Variants in FSD1L observed in about 807,000 individuals in gnomAD.
The protein encoded by FSD1L is FSD1-like protein.
Under a neutral mutation model 71.6 loss-of-function variants are expected in FSD1L, and 45 were observed. The observed-to-expected ratio is 0.63, with a 90% CI of 0.49 to 0.81. The LOEUF is 0.81. FSD1L is among the 30% of genes least tolerant of loss of function. The pLI is 0.00. For missense variants in FSD1L, 561 were observed against 618.1 expected, an observed-to-expected ratio of 0.91 and a Z score of 0.98; for synonymous variants, 197 against 207.2, an observed-to-expected ratio of 0.95 and a Z score of 0.42.
chr9:105,504,696 T>C (rs918128853), intron 7 of FSD1L, among the ~76,000 whole-genome samples: 53 of 152,166 alleles, frequency 3.5e-4, no homozygotes, highest in African/African-American at 1.1e-3. Context: ...TCCTCCCATA[T>C]ACTTTAAGTC....
chr9:105,471,716 A>T (rs918517629), intron 4 of FSD1L, among the ~76,000 whole-genome samples, 188 bp from the exon 5 acceptor site: 3 of 118,902 alleles, frequency 2.5e-5, no homozygotes, highest in Non-Finnish European at 5.0e-5. Flanking sequence ...TAAAAAAAAT[A>T]ACACGTTTTA....
intron 13 of FSD1L, among the ~76,000 whole-genome samples, chr9:105,545,137 T>C (rs1248495451): frequency 2.6e-5 from 4 of 151,726 alleles, no homozygotes; most frequent in African/African-American, 4.9e-5. Flanking sequence ...TGAAGAGGTC[T>C]TTCACATCCC....
intron 3 of FSD1L, 25 bp from the exon 4 acceptor site, chr9:105,468,168 T>C: frequency 7.4e-7 from 1 of 1,351,558 alleles, no homozygotes; most frequent in Non-Finnish European, 9.5e-7. Flanking sequence ...TTCAGTAAAA[T>C]TGTTTTGTTT....
At chr9:105,522,186 T>A in intron 10 of FSD1L, 1 of 1,613,896 alleles carries the variant, frequency 6.2e-7, no homozygotes, top group Non-Finnish European at 8.5e-7. Flanking sequence ...TTGGGATGAC[T>A]TACTGTCAGT....
chr9:105,486,789 AT>A (rs1443946121), intron 7 of FSD1L, among the ~76,000 whole-genome samples: 1 of 152,136 alleles, frequency 6.6e-6, no homozygotes, highest in Non-Finnish European at 1.5e-5. Context: ...TTGGAAAAAA[AT>A]ATATGCATGT....
At chr9:105,526,587 T>A (rs953598853) in intron 10 of FSD1L, among the ~76,000 whole-genome samples, 8 of 152,206 alleles carry the variant, frequency 5.3e-5, no homozygotes, top group African/African-American at 1.9e-4. Flanking sequence ...GAACATAGGG[T>A]TAACCCTTTC....
Position 105,495,753 on chromosome 9 carries a change from G to C in FSD1L, c.587-10646G>C, listed in dbSNP as rs193002679. On this transcript the variant is annotated intron_variant, in intron 7 of 13. Coordinates refer to ENST00000481272, the MANE Select transcript of FSD1L (RefSeq NM_001145313.3). ...GCATTTTGGGAGCCCGAGGCGGGCA[G>C]ATCACAAGGTCAGGAGATCGAGACC... Among the ~76,000 whole-genome samples the C allele has an allele frequency of 6.0e-3, 908 of 152,316 alleles. 15 individuals carry two copies. The highest frequency in any genetic ancestry group is 0.021 in the African/African-American group (865 of 41,576).
chr9:105,470,024 C>T (rs529766824), intron 4 of FSD1L, among the ~76,000 whole-genome samples: 2 of 152,116 alleles, frequency 1.3e-5, no homozygotes, highest in South Asian at 4.2e-4. Flanking sequence ...ACTGTCCTGT[C>T]CCTATTGTTT....
chr9:105,546,676 A>G lies in FSD1L; in HGVS notation c.*193A>G. 1 of 386,982 alleles carries G rather than the reference A, an allele frequency of 2.6e-6. No individual in the cohort carries two copies. Among genetic ancestry groups the G allele is most frequent in the Non-Finnish European group, 4.5e-6 (1 of 221,924 alleles). 24.0% of individuals were successfully genotyped at this position (386,982 alleles called of 1,614,324 possible). A position where few individuals can be genotyped will look rare whatever the true frequency, so the allele number is the denominator to read the frequency against. ...ACTGTGCAGTATCATAGAAGCAAGC[A>G]GATACCAAGCAAAAAACTGATGATT... On this transcript the variant is annotated 3_prime_UTR_variant, in exon 14 of 14. Coordinates refer to ENST00000481272, the MANE Select transcript of FSD1L (RefSeq NM_001145313.3).
At chr9:105,499,569 C>A (rs189169099) in intron 7 of FSD1L, among the ~76,000 whole-genome samples, 4 of 151,804 alleles carry the variant, frequency 2.6e-5, no homozygotes, top group Non-Finnish European at 5.9e-5. Flanking sequence ...TCCCCTCCTC[C>A]GCCCCCACCT....
At chr9:105,464,123 C>T (rs1830901673) in intron 2 of FSD1L, 113 bp from the exon 3 acceptor site, 1 of 617,142 alleles carries the variant, frequency 1.6e-6, no homozygotes, top group East Asian at 3.0e-5. Context: ...TTACATTGCT[C>T]CTATTTGTTA....
chr9:105,482,295 A>G (rs16924672), intron 6 of FSD1L, among the ~76,000 whole-genome samples: 23,761 of 151,288 alleles, frequency 0.16, 2,002 homozygotes, highest in Admixed American at 0.25. Flanking sequence ...AATTACTGGC[A>G]TGTACTTCTG....
chr9:105,527,574 G>A lies in FSD1L; in HGVS notation c.1026-6919G>A, dbSNP rs191040663. Among the ~76,000 whole-genome samples the A allele has an allele frequency of 8.7e-3, 1,320 of 151,964 alleles. 18 individuals carry two copies. The highest frequency in any genetic ancestry group is 0.031 in the African/African-American group (1,266 of 41,328). On this transcript the variant is annotated intron_variant, in intron 10 of 13. Transcript: ENST00000481272. Reference sequence around the variant, plus strand: ...ATGTAGCATGATATTGGTACTAACTGCATGTGTAAATACATCATACTGGCA... The same window carrying A: ...ATGTAGCATGATATTGGTACTAACTACATGTGTAAATACATCATACTGGCA...
intron 3 of FSD1L, among the ~76,000 whole-genome samples, chr9:105,465,813 G>A (rs374348918): frequency 4.5e-4 from 69 of 151,854 alleles, no homozygotes; most frequent in African/African-American, 1.5e-3. Context: ...CTTATCAAAG[G>A]TGAGAAGTCA....
intron 1 of FSD1L, among the ~76,000 whole-genome samples, chr9:105,454,097 A>G (rs1017497714): frequency 6.6e-6 from 1 of 152,200 alleles, no homozygotes; most frequent in African/African-American, 2.4e-5. Context: ...AAGAATATAA[A>G]TAAAGTGAAA....
chr9:105,481,963 T>C (rs2131696174), intron 6 of FSD1L, among the ~76,000 whole-genome samples: 1 of 152,144 alleles, frequency 6.6e-6, no homozygotes, highest in South Asian at 2.1e-4. Context: ...TTTGTAGAGA[T>C]GGGGTTTCGC....
intron 1 of FSD1L, among the ~76,000 whole-genome samples, chr9:105,454,432 C>T (rs1830239824): frequency 6.6e-6 from 1 of 152,104 alleles, no homozygotes; most frequent in South Asian, 2.1e-4. Flanking sequence ...TCTGCTTACA[C>T]CCTTAATTAT....
Position 105,484,326 on chromosome 9 carries a change from T to G in FSD1L, c.465-55T>G, listed in dbSNP as rs551830407. On this transcript the variant is annotated intron_variant, in intron 6 of 13. Coordinates refer to ENST00000481272, the MANE Select transcript of FSD1L (RefSeq NM_001145313.3). ...GTCTTTTCATTTTATAAATTAAATA[T>G]GATTTGATACTTCCTATTTCTTTAT... The G allele has an allele frequency of 1.3e-5, 16 of 1,255,922 alleles. No homozygotes were observed. In the African/African-American group the frequency reaches 2.5e-4, roughly 20 times the overall value. The allele number at this position is 1,255,922 out of a possible 1,614,324, so 77.8% of individuals were successfully genotyped here.
chr9:105,494,027 C>G (rs889355924), intron 7 of FSD1L, among the ~76,000 whole-genome samples: 2 of 152,104 alleles, frequency 1.3e-5, no homozygotes, highest in Admixed American at 6.5e-5. Context: ...CTCTGTATTT[C>G]CTTAATCTGA....
Sources: gnomAD v4.1 joint callset for allele counts (sites outside exome capture counted in the v4.1 genomes callset) on GRCh38, gnomAD v4.1.1 for gene constraint, MANE v1.5 for transcripts, NCBI Gene and HGNC (gene_info 2026-07-23, HGNC 2026-07-21) for gene names.